The following CELF4 variants were observed in gnomAD, a reference collection of about 807,000 sequenced individuals.
CELF4 encodes the protein CUGBP Elav-like family member 4.
CELF4 carries 18 observed loss-of-function variants against 59.9 expected under a neutral mutation model. The observed-to-expected ratio is 0.30, with a 90% CI of 0.21 to 0.45. The LOEUF (loss-of-function observed/expected upper bound fraction) is 0.45, where lower values mean the gene tolerates loss of function less well. Among genes scored for constraint, CELF4 ranks in the 20% least tolerant of loss-of-function variants. The probability of loss-of-function intolerance (pLI) is 1.00; values close to 1 mark genes in which losing one functional copy is unlikely to be tolerated. For missense variants in CELF4, 456 were observed against 689.0 expected, an observed-to-expected ratio of 0.66 and a Z score of 3.79; for synonymous variants, 261 against 267.1, an observed-to-expected ratio of 0.98 and a Z score of 0.22.
At chr18:37,443,907 C>T (rs996854356) in intron 2 of CELF4, among the ~76,000 whole-genome samples, 13 of 152,260 alleles carry the variant, frequency 8.5e-5, no homozygotes, top group South Asian at 8.3e-4. Flanking sequence ...GTGTCAAGCT[C>T]TAAAATAGAT....
chr18:37,420,109 G>A (rs2099568438), intron 2 of CELF4, among the ~76,000 whole-genome samples: 1 of 152,214 alleles, frequency 6.6e-6, no homozygotes, highest in African/African-American at 2.4e-5. Context: ...TGGCCTAAAA[G>A]TGGCCTGCTA....
chr18:37,480,272 C>G (rs772075606), intron 2 of CELF4, among the ~76,000 whole-genome samples: 3 of 152,162 alleles, frequency 2.0e-5, no homozygotes, highest in Non-Finnish European at 4.4e-5. Context: ...GATGCAGGTG[C>G]TGATGGGACC....
chr18:37,353,337 C>A (rs1018396746), intron 2 of CELF4, among the ~76,000 whole-genome samples: 26 of 151,260 alleles, frequency 1.7e-4, no homozygotes, highest in Admixed American at 8.6e-4. Context: ...TCCAGTGAGG[C>A]CAGATTCAGC....
intron 2 of CELF4, among the ~76,000 whole-genome samples, chr18:37,374,328 G>A (rs574632781): frequency 2.6e-5 from 4 of 152,306 alleles, no homozygotes; most frequent in South Asian, 4.1e-4. Context: ...TGCACAGGGC[G>A]GTCCTCACTG....
intron 2 of CELF4, among the ~76,000 whole-genome samples, chr18:37,327,337 C>T (rs936883620): frequency 5.9e-5 from 9 of 152,184 alleles, no homozygotes; most frequent in African/African-American, 2.2e-4. Context: ...TCCTACTACT[C>T]CTTTCCTGGT....
chr18:37,429,277 G>C (rs541190499), intron 2 of CELF4, among the ~76,000 whole-genome samples: 2 of 152,262 alleles, frequency 1.3e-5, no homozygotes, highest in Admixed American at 1.3e-4. Context: ...GGAGAGAAGA[G>C]CCTGAAAGCT....
chr18:37,439,241 G>A (rs1286791754), intron 2 of CELF4, among the ~76,000 whole-genome samples: 5 of 152,316 alleles, frequency 3.3e-5, no homozygotes, highest in South Asian at 4.1e-4. Flanking sequence ...AGGGGCAGGC[G>A]GTGGGTTTGG....
chr18:37,323,180 G>A (rs555250269), intron 2 of CELF4, among the ~76,000 whole-genome samples: 28 of 152,020 alleles, frequency 1.8e-4, no homozygotes, highest in Non-Finnish European at 3.4e-4. Context: ...GCAGAGCCGT[G>A]GCCGGGAAGG....
intron 1 of CELF4, among the ~76,000 whole-genome samples, chr18:37,513,783 G>C (rs1786768): frequency 0.92 from 139,919 of 152,206 alleles, 64,531 homozygotes; most frequent in East Asian, 0.96. Flanking sequence ...AGGCCAATCC[G>C]CAGTGCTCCC....
At chr18:37,490,525 A>G (rs2099898636) in intron 1 of CELF4, among the ~76,000 whole-genome samples, 1 of 152,210 alleles carries the variant, frequency 6.6e-6, no homozygotes. Flanking sequence ...AATATACTTC[A>G]TGAGGGAAAT....
chr18:37,336,259 T>G (rs1405030213), intron 2 of CELF4, among the ~76,000 whole-genome samples: 1 of 152,214 alleles, frequency 6.6e-6, no homozygotes. Context: ...GGCCTCACTC[T>G]GTCACGCAGG....
In CELF4 at chr18:37,565,791, G is replaced by A; in HGVS notation, c.-150C>T. ...ACACCTCGCTCTCCGCTCGCTCTCT[G>A]CTCTCTCTCTTTCTCCTCTTCTCTC... On this transcript the variant is annotated 5_prime_UTR_variant, in exon 1 of 13. Coordinates refer to ENST00000420428, the MANE Select transcript of CELF4 (RefSeq NM_020180.4). The A allele has an allele frequency of 3.7e-6, 2 of 538,540 alleles. No homozygotes were observed. The highest frequency in any genetic ancestry group is 6.2e-6 in the Non-Finnish European group (2 of 324,688). 33.4% of individuals were successfully genotyped at this position (538,540 alleles called of 1,614,324 possible). A position where few individuals can be genotyped will look rare whatever the true frequency, so the allele number is the denominator to read the frequency against.
intron 2 of CELF4, among the ~76,000 whole-genome samples, chr18:37,336,952 G>A (rs953973568): frequency 4.2e-4 from 64 of 152,156 alleles, no homozygotes; most frequent in African/African-American, 1.1e-3. Context: ...CTTCGGCTGC[G>A]TCCCACTTCA....
intron 2 of CELF4, among the ~76,000 whole-genome samples, chr18:37,376,630 G>C (rs1156685073): frequency 6.6e-6 from 1 of 152,220 alleles, no homozygotes; most frequent in East Asian, 1.9e-4. Flanking sequence ...CCTCAGGAGT[G>C]TGGGGCTCTG....
intron 3 of CELF4, among the ~76,000 whole-genome samples, chr18:37,320,891 A>C (rs1451006903): frequency 6.6e-6 from 1 of 152,030 alleles, no homozygotes; most frequent in African/African-American, 2.4e-5. Context: ...GCTCTGTATC[A>C]CTGGGGCAGT....
Position 37,254,458 on chromosome 18 carries a change from C to T in CELF4, c.1334-520G>A, listed in dbSNP as rs1453545990. On this transcript the variant is annotated intron_variant, in intron 11 of 12. Transcript: ENST00000420428. The surrounding 1 kb of genome is among the most constrained non-coding windows in gnomAD (Gnocchi z 5.1). Reference sequence around the variant, plus strand: ...AACTTCTCCACCGCCGGCCCGGCCGCCCCCCTCGCCACCGCAGGTGCCCGG... The same window carrying T: ...AACTTCTCCACCGCCGGCCCGGCCGTCCCCCTCGCCACCGCAGGTGCCCGG... Among the ~76,000 whole-genome samples the T allele has an allele frequency of 6.6e-6, 1 of 151,956 alleles. No homozygotes were observed. Among genetic ancestry groups the T allele is most frequent in the Non-Finnish European group, 1.5e-5 (1 of 67,946 alleles).
At chr18:37,493,322 C>T (rs1431075302) in intron 1 of CELF4, among the ~76,000 whole-genome samples, 1 of 152,218 alleles carries the variant, frequency 6.6e-6, no homozygotes, top group East Asian at 1.9e-4. Context: ...CTCTCATAGC[C>T]CTTGGCAATG....
intron 3 of CELF4, among the ~76,000 whole-genome samples, chr18:37,282,369 C>T (rs1359461499): frequency 6.6e-6 from 1 of 152,304 alleles, no homozygotes; most frequent in East Asian, 1.9e-4. Flanking sequence ...CAAAAACAGA[C>T]ATTTCCCCTA....
intron 2 of CELF4, among the ~76,000 whole-genome samples, chr18:37,427,224 G>A (rs1187965979): frequency 6.6e-6 from 1 of 152,190 alleles, no homozygotes; most frequent in Admixed American, 6.5e-5. Flanking sequence ...GGGGTAGGAG[G>A]TGGAGGGGTT....
Sources: gnomAD v4.1 joint callset for allele counts (sites outside exome capture counted in the v4.1 genomes callset) on GRCh38, gnomAD v4.1.1 for gene constraint, Gnocchi (gnomAD v3.1) non-coding constraint, MANE v1.5 for transcripts, NCBI Gene and HGNC (gene_info 2026-07-23, HGNC 2026-07-21) for gene names.